Variants in CLYBL observed in about 807,000 individuals in gnomAD.
CLYBL encodes citramalyl-CoA lyase, mitochondrial.
Under a neutral mutation model 38.9 loss-of-function variants are expected in CLYBL, and 31 were observed. The observed-to-expected ratio is 0.80, with a 90% CI of 0.60 to 1.08. The LOEUF (loss-of-function observed/expected upper bound fraction) is 1.08. Among genes scored for constraint, CLYBL ranks in the 50% least tolerant of loss-of-function variants. CLYBL has a pLI of 0.00. For synonymous variants in CLYBL, 171 were observed against 158.6 expected (o/e 1.08, Z -0.59); for missense variants, 434 against 411.6 (o/e 1.05, Z -0.47).
In CLYBL at chr13:99,819,983, A is replaced by G. The variant is rs547658115; in HGVS notation, c.250-38878A>G. ...ATAAAATTAACCATCACGGATTTATACCTATAAAGTTGGACATTTGCACTC... is the reference window on the plus strand; with the variant it reads ...ATAAAATTAACCATCACGGATTTATGCCTATAAAGTTGGACATTTGCACTC... On this transcript the variant is annotated intron_variant, in intron 2 of 8. Transcript: ENST00000339105. Among the ~76,000 whole-genome samples, 6 of 152,296 alleles carry G rather than the reference A, an allele frequency of 3.9e-5. No individual in the cohort carries two copies. In the South Asian group the frequency reaches 1.2e-3, roughly 32 times the overall value.
intron 1 of CLYBL, among the ~76,000 whole-genome samples, chr13:99,620,092 A>T (rs910649307): frequency 5.3e-5 from 8 of 152,172 alleles, no homozygotes; most frequent in Admixed American, 4.6e-4. Context: ...GCTACCAGGC[A>T]CTTTGTTCCA....
At chr13:99,851,120 C>A (rs531212855) in intron 2 of CLYBL, among the ~76,000 whole-genome samples, 1 of 152,128 alleles carries the variant, frequency 6.6e-6, no homozygotes, top group African/African-American at 2.4e-5. Context: ...TGCCTATAAT[C>A]CCAGCACTTT....
intron 2 of CLYBL, among the ~76,000 whole-genome samples, chr13:99,840,767 AAAAAAAAAAAAAAG>A (rs1341032443): frequency 3.4e-5 from 5 of 149,154 alleles, no homozygotes; most frequent in African/African-American, 7.4e-5. Context: ...AAAAAAAAAA[AAAAAAAAAAAAAAG>A]GGTTACATAT....
rs113614445 is a variant in CLYBL, at chr13:99,729,900, C to G, written c.63-42924C>G. On this transcript the variant is annotated intron_variant, in intron 1 of 8. Coordinates refer to ENST00000339105, the MANE Select transcript of CLYBL (RefSeq NM_206808.5). ...GCTTCAGTGTGGCTGGTGCCTCCAC[C>G]ACCATTGGTACTGTGTCAGCATTGC... Among the ~76,000 whole-genome samples the G allele has an allele frequency of 4.5e-3, 681 of 152,250 alleles. 6 individuals carry two copies. The highest frequency in any genetic ancestry group is 0.016 in the African/African-American group (652 of 41,534).
At chr13:99,807,624 A>G (rs140344319) in intron 2 of CLYBL, among the ~76,000 whole-genome samples, 91 of 152,240 alleles carry the variant, frequency 6.0e-4, no homozygotes, top group Middle Eastern at 3.4e-3. Context: ...CATCAGATTC[A>G]TAGAGAAAGG....
chr13:99,768,678 A>G (rs1046622223), intron 1 of CLYBL, among the ~76,000 whole-genome samples: 1 of 150,988 alleles, frequency 6.6e-6, no homozygotes, highest in Non-Finnish European at 1.5e-5. Flanking sequence ...CACCTGGCTA[A>G]TTTTTTGTAT....
intron 1 of CLYBL, among the ~76,000 whole-genome samples, chr13:99,648,154 G>A (rs2047203441): frequency 6.6e-6 from 1 of 152,130 alleles, no homozygotes; most frequent in Non-Finnish European, 1.5e-5. Flanking sequence ...GTTCGGGGGG[G>A]AAAAATCCTT....
chr13:99,641,701 A>G (rs1392988320), intron 1 of CLYBL, among the ~76,000 whole-genome samples: 2 of 152,054 alleles, frequency 1.3e-5, no homozygotes, highest in Non-Finnish European at 2.9e-5. Flanking sequence ...AGTCCCAGCT[A>G]CTTGGGAGGC....
chr13:99,803,898 A>G (rs2138953632), intron 2 of CLYBL, among the ~76,000 whole-genome samples: 1 of 152,346 alleles, frequency 6.6e-6, no homozygotes, highest in Non-Finnish European at 1.5e-5. Context: ...GTGTCCAGCT[A>G]ACAGAGGTTG....
intron 1 of CLYBL, among the ~76,000 whole-genome samples, chr13:99,637,961 C>CTTTTTTTTTT (rs1566595642): frequency 1.9e-5 from 1 of 53,688 alleles, no homozygotes; most frequent in African/African-American, 8.2e-5. Context: ...GTCAACAGTG[C>CTTTTTTTTTT]CTTTTTTTTT....
intron 1 of CLYBL, among the ~76,000 whole-genome samples, chr13:99,609,165 C>CTTT (rs2046585087): frequency 4.9e-5 from 4 of 81,704 alleles, no homozygotes; most frequent in African/African-American, 1.0e-4. Flanking sequence ...ATTGACCTGT[C>CTTT]TTTGTTTTTT....
In CLYBL at chr13:99,871,176, G is replaced by A. The variant is rs74113535; in HGVS notation, c.927+114G>A. 11,247 of 1,170,432 alleles carry A rather than the reference G, an allele frequency of 9.6e-3. 702 individuals are homozygous for A. The African/African-American group carries it at 0.15, about 15-fold the overall frequency. 72.5% of individuals were successfully genotyped at this position (1,170,432 alleles called of 1,614,324 possible). ...GAAAACTCATCGTATCTGGAGAGGG[G>A]GGAAAGGGAGGGAACACAACATTCA... On this transcript the variant is annotated intron_variant, in intron 7 of 8. Coordinates refer to ENST00000339105, the MANE Select transcript of CLYBL (RefSeq NM_206808.5).
chr13:99,635,376 C>G (rs762446005), intron 1 of CLYBL, among the ~76,000 whole-genome samples: 12 of 152,018 alleles, frequency 7.9e-5, no homozygotes, highest in Non-Finnish European at 1.8e-4. Context: ...GAGGTCCTGT[C>G]TTTAGCCCAG....
At chr13:99,816,178 A>G (rs1023438451) in intron 2 of CLYBL, among the ~76,000 whole-genome samples, 1 of 152,222 alleles carries the variant, frequency 6.6e-6, no homozygotes, top group East Asian at 1.9e-4. Flanking sequence ...TATAACTTCT[A>G]TATTTGGCAT....
chr13:99,764,847 AT>A (rs756835141), intron 1 of CLYBL, among the ~76,000 whole-genome samples: 751 of 139,884 alleles, frequency 5.4e-3, no homozygotes, highest in Middle Eastern at 0.018. Flanking sequence ...TGCCTGGCTA[AT>A]TTTTTTTTTT....
intron 1 of CLYBL, among the ~76,000 whole-genome samples, chr13:99,675,304 A>G (rs1299261637): frequency 7.9e-6 from 1 of 126,548 alleles, no homozygotes; most frequent in Non-Finnish European, 1.8e-5. Context: ...TACCTTATAT[A>G]TGTATGCCCT....
intron 1 of CLYBL, among the ~76,000 whole-genome samples, chr13:99,658,275 G>C (rs917157973): frequency 5.3e-5 from 8 of 152,232 alleles, no homozygotes; most frequent in African/African-American, 1.9e-4. Context: ...TGAATAGTGT[G>C]GGAGCTCTCA....
chr13:99,890,259 CT>C (rs564750985), intron 7 of CLYBL, among the ~76,000 whole-genome samples: 1 of 151,674 alleles, frequency 6.6e-6, no homozygotes, highest in African/African-American at 2.4e-5. Context: ...AAGATCACTT[CT>C]TTTTTTTTCC....
chr13:99,644,584 A>T (rs963213841), intron 1 of CLYBL, among the ~76,000 whole-genome samples: 6 of 152,144 alleles, frequency 3.9e-5, no homozygotes, highest in African/African-American at 1.2e-4. Flanking sequence ...ATCCTGTTGT[A>T]CTATCAAATA....
Sources: allele counts gnomAD v4.1 joint callset (sites outside exome capture counted in the v4.1 genomes callset), GRCh38; gene constraint gnomAD v4.1.1; transcripts MANE v1.5; gene names NCBI Gene and HGNC (gene_info 2026-07-23, HGNC 2026-07-21).